The following NBEA variants were observed in gnomAD, a reference collection of about 807,000 sequenced individuals.
NBEA encodes neurobeachin.
A neutral mutation model predicts 343.4 loss-of-function variants in NBEA; 44 were observed. That is an observed-to-expected ratio of 0.13 (90% CI 0.10 to 0.16). The LOEUF (loss-of-function observed/expected upper bound fraction) is 0.16. Among genes scored for constraint, NBEA ranks in the 10% least tolerant of loss-of-function variants. The pLI is 1.00. For missense variants in NBEA, 2,555 were observed against 3,631.3 expected (o/e 0.70, Z 7.62); for synonymous variants, 1,175 against 1,238.7 (o/e 0.95, Z 1.08).
chr13:35,612,186 G>A (rs1400790938), intron 48 of NBEA, among the ~76,000 whole-genome samples: 3 of 151,214 alleles, frequency 2.0e-5, no homozygotes, highest in Non-Finnish European at 4.4e-5. Context: ...AGGCTGGAGT[G>A]CAGTGGCACC....
chr13:35,607,222 A>T (rs1028927242), intron 48 of NBEA, among the ~76,000 whole-genome samples: 2 of 152,080 alleles, frequency 1.3e-5, no homozygotes, highest in African/African-American at 4.8e-5. Flanking sequence ...GTTAATTTTT[A>T]AAAAAGATTT....
rs1003552717 is a variant in NBEA, at chr13:35,179,976, A to G, written c.4663-2384A>G. Among the ~76,000 whole-genome samples the G allele has an allele frequency of 2.0e-5, 3 of 151,914 alleles. No homozygotes were observed. In the East Asian group the frequency reaches 5.8e-4, roughly 29 times the overall value. ...GAAAAGCTATAACCCACAATGTATG[A>G]AATAGTAAATTAGGAATAATTCAGA... On this transcript the variant is annotated intron_variant, in intron 28 of 58. Transcript: ENST00000379939.
chr13:35,321,859 G>A (rs967907324), intron 36 of NBEA, among the ~76,000 whole-genome samples: 58 of 152,196 alleles, frequency 3.8e-4, no homozygotes, highest in African/African-American at 1.2e-3. Context: ...GGAGGGCTCC[G>A]CCCAGTTGAA....
intron 41 of NBEA, among the ~76,000 whole-genome samples, chr13:35,526,901 G>C (rs1233122079): frequency 6.6e-6 from 1 of 152,104 alleles, no homozygotes; most frequent in African/African-American, 2.4e-5. Context: ...TGGGCACCGG[G>C]AAATGCAGTG....
At chr13:35,454,551 A>G (rs948593093) in intron 40 of NBEA, among the ~76,000 whole-genome samples, 1 of 152,160 alleles carries the variant, frequency 6.6e-6, no homozygotes, top group Non-Finnish European at 1.5e-5. Flanking sequence ...TCACCCTTAC[A>G]GGAGACTTAA....
intron 49 of NBEA, among the ~76,000 whole-genome samples, chr13:35,633,134 G>A (rs1183476598): frequency 6.6e-6 from 1 of 151,044 alleles, no homozygotes; most frequent in Non-Finnish European, 1.5e-5. Context: ...ACAGAGTCTC[G>A]CTCTGTCGCC....
chr13:34,951,287 A>G (rs1235678610), intron 1 of NBEA, among the ~76,000 whole-genome samples: 1 of 152,244 alleles, frequency 6.6e-6, no homozygotes, highest in Non-Finnish European at 1.5e-5. Context: ...ACATACAGCT[A>G]TTAAAACATT....
At chr13:35,414,235 CT>C (rs10717158) in intron 38 of NBEA, among the ~76,000 whole-genome samples, 65,819 of 151,658 alleles carry the variant, frequency 0.43, 14,715 homozygotes, top group East Asian at 0.61. Flanking sequence ...TACAGTTACT[CT>C]TTTTTTTATT....
At chr13:35,501,214 G>T (rs1410493770) in intron 41 of NBEA, among the ~76,000 whole-genome samples, 1 of 151,928 alleles carries the variant, frequency 6.6e-6, no homozygotes, top group African/African-American at 2.4e-5. Flanking sequence ...AGCTCTAAAT[G>T]GTCCTCAGTA....
intron 1 of NBEA, among the ~76,000 whole-genome samples, chr13:34,962,695 C>T (rs2059698127): frequency 6.6e-6 from 1 of 151,906 alleles, no homozygotes; most frequent in Admixed American, 6.6e-5. Flanking sequence ...TTTGTGAGCT[C>T]TATAAAAATA....
chr13:34,990,831 T>C (rs1483468129), intron 1 of NBEA, among the ~76,000 whole-genome samples: 1 of 152,198 alleles, frequency 6.6e-6, no homozygotes, highest in Non-Finnish European at 1.5e-5. Flanking sequence ...TCTCTTTGCT[T>C]ATGCATGTGA....
At chr13:35,217,352 A>G (rs1011730369) in intron 33 of NBEA, among the ~76,000 whole-genome samples, 10 of 152,058 alleles carry the variant, frequency 6.6e-5, no homozygotes, top group African/African-American at 2.4e-4. Flanking sequence ...GTTTTTTAGC[A>G]GAGAAAAATT....
chr13:35,268,296 G>T (rs2033854675), intron 34 of NBEA, among the ~76,000 whole-genome samples: 1 of 152,044 alleles, frequency 6.6e-6, no homozygotes, highest in Non-Finnish European at 1.5e-5. Flanking sequence ...GGGACATAGA[G>T]TAGTCAAAAA....
At chr13:35,165,124 TA>T (rs1387234438) in intron 24 of NBEA, 1 of 533,854 alleles carries the variant, frequency 1.9e-6, no homozygotes, top group Non-Finnish European at 3.9e-6. Context: ...AACTCATCCT[TA>T]AGCTCAGAAA....
intron 1 of NBEA, among the ~76,000 whole-genome samples, chr13:35,013,695 C>T (rs1026544770): frequency 2.6e-5 from 4 of 152,146 alleles, no homozygotes; most frequent in Non-Finnish European, 5.9e-5. Flanking sequence ...TCTTGAACTC[C>T]TGAGCTCAAG....
At chr13:35,441,847 AG>A (rs146324634) in intron 39 of NBEA, among the ~76,000 whole-genome samples, 2,351 of 147,510 alleles carry the variant, frequency 0.016, 54 homozygotes, top group African/African-American at 0.043. Flanking sequence ...AAAAAAAAAA[AG>A]AAGACACTGA....
chr13:35,666,020 C>T (rs1209637336), intron 56 of NBEA, among the ~76,000 whole-genome samples: 1 of 152,162 alleles, frequency 6.6e-6, no homozygotes, highest in Non-Finnish European at 1.5e-5. Flanking sequence ...TGTGGGAAGA[C>T]TCCCAGGCAG....
chr13:35,174,902 C>T (rs1355886786), intron 27 of NBEA, among the ~76,000 whole-genome samples: 1 of 151,724 alleles, frequency 6.6e-6, no homozygotes, highest in African/African-American at 2.4e-5. Context: ...AAGCGATTCT[C>T]CTGCCTCAGC....
intron 51 of NBEA, 62 bp downstream of exon 51, chr13:35,646,410 A>G (rs2084236568): frequency 1.2e-5 from 14 of 1,215,180 alleles, no homozygotes; most frequent in Non-Finnish European, 1.6e-5. Context: ...AATAGAGCAA[A>G]TAAAATTGTG....
Sources: allele counts gnomAD v4.1 joint callset (sites outside exome capture counted in the v4.1 genomes callset), GRCh38; gene constraint gnomAD v4.1.1; transcripts MANE v1.5; gene names NCBI Gene and HGNC (gene_info 2026-07-23, HGNC 2026-07-21).